The following KDM4B variants were observed in gnomAD, a reference collection of about 807,000 sequenced individuals.
KDM4B encodes lysine-specific demethylase 4B.
A neutral mutation model predicts 125.2 loss-of-function variants in KDM4B; 32 were observed. That is an observed-to-expected ratio of 0.26 (90% CI 0.19 to 0.34). The LOEUF (loss-of-function observed/expected upper bound fraction) is 0.34. Ranked by LOEUF, KDM4B falls within the 10% of genes least tolerant of loss-of-function variation. KDM4B has a pLI of 1.00. For missense variants in KDM4B, 1,190 were observed against 1,577.7 expected (o/e 0.75, Z 4.16); for synonymous variants, 721 against 677.9 (o/e 1.06, Z -0.99).
At chr19:5,065,605 C>T (rs1191449253) in intron 6 of KDM4B, among the ~76,000 whole-genome samples, 1 of 152,244 alleles carries the variant, frequency 6.6e-6, no homozygotes, top group Non-Finnish European at 1.5e-5. Context: ...ATAGCATCCT[C>T]TGCGGTGGAC....
chr19:5,012,138 A>G (rs1177444977), intron 1 of KDM4B, among the ~76,000 whole-genome samples: 1 of 152,142 alleles, frequency 6.6e-6, no homozygotes, highest in Non-Finnish European at 1.5e-5. Context: ...TCTGCCTAGA[A>G]GCCGCAGCAG....
rs542409700 is a variant in KDM4B at position 5,106,461 on chromosome 19, G to A, written c.919-4161G>A. Among the ~76,000 whole-genome samples the A allele has an allele frequency of 7.9e-5, 12 of 152,272 alleles. No individual in the cohort carries two copies. The South Asian group carries it at 1.0e-3, about 13-fold the overall frequency. On this transcript the variant is annotated intron_variant, in intron 9 of 22. Coordinates refer to ENST00000159111, the MANE Select transcript of KDM4B (RefSeq NM_015015.3). ...CTCCTCCTTGCATCCTCCTGAGGCC[G>A]CCAGGGTCTGCTCCATGCTCACTGG...
chr19:5,004,614 C>T (rs1599394482), intron 1 of KDM4B, among the ~76,000 whole-genome samples: 1 of 152,312 alleles, frequency 6.6e-6, no homozygotes, highest in East Asian at 1.9e-4. Flanking sequence ...TTCAGCTCCC[C>T]AGTTTCATGT....
intron 2 of KDM4B, among the ~76,000 whole-genome samples, chr19:5,031,222 C>G (rs2036444289): frequency 6.6e-6 from 1 of 152,228 alleles, no homozygotes; most frequent in Non-Finnish European, 1.5e-5. Context: ...GGATTGGGTA[C>G]TGGGACCTGG....
At chr19:5,094,436 G>C in intron 9 of KDM4B, among the ~76,000 whole-genome samples, 1 of 152,228 alleles carries the variant, frequency 6.6e-6, no homozygotes, top group Non-Finnish European at 1.5e-5. Flanking sequence ...TGTGCGGGGG[G>C]GAGGCACTGG....
At chr19:5,143,413 G>A (rs995876888) in intron 18 of KDM4B, among the ~76,000 whole-genome samples, 6 of 151,934 alleles carry the variant, frequency 3.9e-5, no homozygotes, top group East Asian at 1.9e-4. Context: ...CTATCACACC[G>A]TCTAATTCCA....
intron 6 of KDM4B, among the ~76,000 whole-genome samples, chr19:5,060,465 G>GAAAAAAAAAAAAAAA (rs2037557697): frequency 3.0e-5 from 1 of 32,894 alleles, no homozygotes. Context: ...AAAAAAAAAG[G>GAAAAAAAAAAAAAAA]GAGCCATGAT....
At chr19:4,982,227 G>A (rs999942024) in intron 1 of KDM4B, among the ~76,000 whole-genome samples, 2 of 151,828 alleles carry the variant, frequency 1.3e-5, no homozygotes, top group Non-Finnish European at 2.9e-5. Flanking sequence ...GGGAGATGGA[G>A]GCTGCAGTGA....
chr19:5,047,675 T>G lies in KDM4B; in HGVS notation c.626+6T>G. 6.2e-7 allele frequency: 1 copy of G among 1,612,788 alleles called. No homozygotes were observed. On this transcript the variant is annotated splice_donor_region_variant and intron_variant, in intron 6 of 22. Transcript: ENST00000159111. Reference sequence around the variant, plus strand: ...TTTGGGGAGCCTAAGTCCTGGTGAGTGTCTGCACTGGCCCTGCCGCCGGCC... The same window carrying G: ...TTTGGGGAGCCTAAGTCCTGGTGAGGGTCTGCACTGGCCCTGCCGCCGGCC...
At chr19:5,015,250 A>G (rs890424757) in intron 1 of KDM4B, among the ~76,000 whole-genome samples, 11 of 151,664 alleles carry the variant, frequency 7.3e-5, no homozygotes, top group Non-Finnish European at 1.2e-4. Context: ...AGGTTGTGAA[A>G]GTCCTTTTTT....
intron 1 of KDM4B, among the ~76,000 whole-genome samples, chr19:5,007,293 G>T (rs1400360893): frequency 6.6e-6 from 1 of 152,164 alleles, no homozygotes; most frequent in African/African-American, 2.4e-5. Context: ...CATGGTTTTG[G>T]CCTCTCCTCT....
intron 6 of KDM4B, chr19:5,070,804 C>T (rs61279316): frequency 0.076 from 40,172 of 527,576 alleles, 2,041 homozygotes; most frequent in Middle Eastern, 0.13. Flanking sequence ...CTCCCCGCTC[C>T]TCCACCTGCC....
chr19:5,017,004 C>T (rs1358419904), intron 2 of KDM4B, among the ~76,000 whole-genome samples: 1 of 152,182 alleles, frequency 6.6e-6, no homozygotes, highest in South Asian at 2.1e-4. Flanking sequence ...AGTGTCCTCC[C>T]GTCAAGGCAG....
intron 5 of KDM4B, among the ~76,000 whole-genome samples, chr19:5,045,799 G>A (rs1320789511): frequency 3.3e-5 from 5 of 152,110 alleles, no homozygotes; most frequent in Admixed American, 6.5e-5. Flanking sequence ...TAGTAGAGAC[G>A]AGGTGTTGTC....
intron 9 of KDM4B, among the ~76,000 whole-genome samples, chr19:5,101,851 C>A (rs967242259): frequency 3.9e-5 from 6 of 152,218 alleles, no homozygotes; most frequent in African/African-American, 1.4e-4. Flanking sequence ...AGCCGGATTG[C>A]ACAGGGAGTA....
At chr19:5,051,537 G>A (rs529485925) in intron 6 of KDM4B, among the ~76,000 whole-genome samples, 8 of 152,372 alleles carry the variant, frequency 5.3e-5, no homozygotes, top group African/African-American at 1.4e-4. Context: ...TCCCGAGGAC[G>A]TCGTGAGCTG....
intron 1 of KDM4B, among the ~76,000 whole-genome samples, chr19:4,970,600 G>C (rs2034221360): frequency 6.6e-6 from 1 of 152,178 alleles, no homozygotes; most frequent in African/African-American, 2.4e-5. Context: ...CCTAAAGCAG[G>C]CTCATTAGAC....
At chr19:5,111,336 G>A in intron 10 of KDM4B, 1 of 749,686 alleles carries the variant, frequency 1.3e-6, no homozygotes, top group East Asian at 2.4e-5. Context: ...CAGAAGGCCG[G>A]CCCCGGGGCG....
In KDM4B at chr19:5,077,452, C is replaced by T. The variant is rs140379329; in HGVS notation, c.762C>T (p.Tyr254=). 104 of 1,613,260 alleles carry T rather than the reference C, an allele frequency of 6.4e-5. No homozygotes were observed. The highest frequency in any genetic ancestry group is 1.6e-4 in the Middle Eastern group (1 of 6,084). Residue 254 remains tyrosine (Y), a synonymous_variant, in exon 8 of 23, where the codon TAC becomes TAT. Transcript: ENST00000159111. ...TCTCGCCCATCATCCTGAAGAAGTA[C>T]GGGATCCCCTTCAGCCGGGTGCGTA... ...TLISPIILKK[Y]GIPFSRITQE...
Sources: allele counts gnomAD v4.1 joint callset (sites outside exome capture counted in the v4.1 genomes callset), GRCh38; gene constraint gnomAD v4.1.1; transcripts MANE v1.5; gene names NCBI Gene and HGNC (gene_info 2026-07-23, HGNC 2026-07-21).